Variants in ADD2 observed in about 807,000 individuals in gnomAD.
The protein encoded by ADD2 is adducin 2, also known as beta-adducin.
Under a neutral mutation model 83.0 loss-of-function variants are expected in ADD2, and 23 were observed. The ratio of observed to expected loss-of-function variants is 0.28; its 90% confidence interval spans 0.20 to 0.39. The LOEUF (loss-of-function observed/expected upper bound fraction) is 0.39. Among genes scored for constraint, ADD2 ranks in the 10% least tolerant of loss-of-function variants. The pLI, the probability that ADD2 is intolerant of heterozygous loss-of-function variation, is 1.00. For synonymous variants in ADD2, 375 were observed against 375.4 expected, an observed-to-expected ratio of 1.00 and a Z score of 0.01; for missense variants, 758 against 944.9, an observed-to-expected ratio of 0.80 and a Z score of 2.59.
intron 1 of ADD2, among the ~76,000 whole-genome samples, chr2:70,747,100 T>A (rs34137834): frequency 2.0e-5 from 3 of 148,484 alleles, no homozygotes; most frequent in African/African-American, 5.0e-5. Flanking sequence ...AAGCTCCGCC[T>A]CCCAGGTTCA....
chr2:70,676,991 G>T lies in ADD2; in HGVS notation c.1504-106C>A. 1 of 1,493,966 alleles carries T rather than the reference G, an allele frequency of 6.7e-7. No individual in the cohort carries two copies. The highest frequency in any genetic ancestry group is 8.9e-7 in the Non-Finnish European group (1 of 1,117,952). 92.5% of individuals were successfully genotyped at this position (1,493,966 alleles called of 1,614,324 possible). ...TGGGGTCTAGAAAGGTCCTCTAGCG[G>T]TGTGGGAGCCCGTCACCTATCCTAA... On this transcript the variant is annotated intron_variant, in intron 12 of 15. Transcript: ENST00000264436. The surrounding 1 kb of genome is among the most constrained non-coding windows in gnomAD (Gnocchi z 4.8).
intron 1 of ADD2, among the ~76,000 whole-genome samples, chr2:70,730,929 C>A (rs1301976201): frequency 6.6e-6 from 1 of 152,216 alleles, no homozygotes; most frequent in Non-Finnish European, 1.5e-5. Flanking sequence ...AGTACACTCT[C>A]TGATTTTCCC....
intron 15 of ADD2, among the ~76,000 whole-genome samples, chr2:70,667,232 C>A (rs1553366276): frequency 6.6e-6 from 1 of 151,326 alleles, no homozygotes; most frequent in African/African-American, 2.4e-5. Context: ...GGGGCAGAAG[C>A]TGGAAAATGG....
chr2:70,706,453 G>C lies in ADD2; in HGVS notation c.-34-11C>G. The C allele has an allele frequency of 6.4e-7, 1 of 1,569,504 alleles. No homozygotes were observed. The highest frequency in any genetic ancestry group is 8.6e-7 in the Non-Finnish European group (1 of 1,159,934). On this transcript the variant is annotated splice_polypyrimidine_tract_variant and intron_variant, in intron 2 of 15. Coordinates refer to ENST00000264436, the MANE Select transcript of ADD2 (RefSeq NM_001617.4). The surrounding 1 kb of genome is among the most constrained non-coding windows in gnomAD (Gnocchi z 5.0). Reference sequence around the variant, plus strand: ...TTCGCTCCTGGAACTCTACAGAGAAGGGGAGAGGGTATGCGGTCAGGTTGG... The same window carrying C: ...TTCGCTCCTGGAACTCTACAGAGAACGGGAGAGGGTATGCGGTCAGGTTGG...
Position 70,706,296 on chromosome 2 carries a change from G to T in ADD2, c.113C>A (p.Ala38Glu). 1 of 1,614,092 alleles carries T rather than the reference G, an allele frequency of 6.2e-7. No homozygotes were observed. The highest frequency in any genetic ancestry group is 8.5e-7 in the Non-Finnish European group (1 of 1,180,008). Residue 38 changes from alanine (A) to glutamate (E), a missense_variant, in exon 3 of 16, where the codon GCG becomes GAG. This residue lies in a region of ADD2 where 175 missense variants were observed against 192.1 expected (regional missense o/e 0.91). Transcript: ENST00000264436. This position sits in a 1 kb window ranked among gnomAD's most constrained non-coding sequence, Gnocchi z 5.0. ...GTTGAAGTCCTGCCGCAGGTCCGCC[G>T]CCCGGTTGCGAAGGCGCATGTACTC... ...DPEYMRLRNR[A>E]ADLRQDFNLM... is the part of the protein sequence containing the mutation.
In ADD2 at chr2:70,672,898, G is replaced by A. The variant is rs1425305426; in HGVS notation, c.1850C>T (p.Ser617Phe). ...KEAETKSPLVSPSKSLEEGTK... is the reference protein window; with the variant it reads ...KEAETKSPLVFPSKSLEEGTK... ...CTCACCCTCTAAAGACTTGGAAGGA[G>A]AGACTAAAGGGCTCTTTGTCTCTGC... The change falls in exon 15 of 16, where the codon TCT becomes TTT. Residue 617 changes from serine to phenylalanine, a missense_variant. Physicochemically the swap from Ser to Phe is radical, Grantham distance 155. This residue lies in a region of ADD2 where 165 missense variants were observed against 176.2 expected (regional missense o/e 0.94). Transcript: ENST00000264436. 11 of 1,612,810 alleles carry A rather than the reference G, an allele frequency of 6.8e-6. No individual in the cohort carries two copies. Among genetic ancestry groups the A allele is most frequent in the Admixed American group, 3.3e-5 (2 of 59,872 alleles).
At chr2:70,757,261 T>C (rs922976976) in intron 1 of ADD2, among the ~76,000 whole-genome samples, 3 of 139,040 alleles carry the variant, frequency 2.2e-5, no homozygotes, top group Non-Finnish European at 3.1e-5. Context: ...ACAGCTAAAA[T>C]TGGTTTGCCT....
In ADD2 at chr2:70,692,505, G is replaced by A; in HGVS notation, c.603C>T (p.Cys201=). 6.2e-7 allele frequency: 1 copy of A among 1,612,666 alleles called. No homozygotes were observed. Among genetic ancestry groups the A allele is most frequent in the Non-Finnish European group, 8.5e-7 (1 of 1,179,570 alleles). Residue 201 remains cysteine, a synonymous_variant, in exon 7 of 16, where the codon TGC becomes TGT. Coordinates refer to ENST00000264436, the MANE Select transcript of ADD2 (RefSeq NM_001617.4). ...LGEVVEKGSS[C]FPVDTTGFCL... is the part of the protein sequence containing the mutation. ...AGAAGCCTGTGGTGTCCACTGGGAA[G>A]CAGCTGCTGCCCTTCTCCACCACCT...
rs967125628 is a variant in ADD2, at chr2:70,685,574, T to C, written c.949-1807A>G. 4.6e-5 allele frequency among the ~76,000 whole-genome samples: 7 copies of C among 152,288 alleles called. No homozygotes were observed. In the East Asian group the frequency reaches 1.2e-3, roughly 25 times the overall value. ...TGCCACTTACCAACTGTGTGACTTT[T>C]AGTAGCTATTTACCATCTGTGTACC... On this transcript the variant is annotated intron_variant, in intron 9 of 15. Coordinates refer to ENST00000264436, the MANE Select transcript of ADD2 (RefSeq NM_001617.4).
chr2:70,749,119 C>G (rs1241720841), intron 1 of ADD2, among the ~76,000 whole-genome samples: 2 of 152,110 alleles, frequency 1.3e-5, no homozygotes, highest in African/African-American at 2.4e-5. Context: ...ACAATCATGG[C>G]AGAAGACACC....
chr2:70,755,812 G>A (rs1558582297), intron 1 of ADD2, among the ~76,000 whole-genome samples: 1 of 152,098 alleles, frequency 6.6e-6, no homozygotes, highest in South Asian at 2.1e-4. Flanking sequence ...TGTAATCCCA[G>A]CACTTTGGGA....
intron 1 of ADD2, among the ~76,000 whole-genome samples, chr2:70,722,282 C>T (rs1320815772): frequency 2.0e-5 from 3 of 152,048 alleles, no homozygotes; most frequent in Non-Finnish European, 2.9e-5. Context: ...TTGATTGGCA[C>T]ACCAATTATT....
At chr2:70,669,249 G>A (rs1277165987) in intron 15 of ADD2, among the ~76,000 whole-genome samples, 4 of 152,112 alleles carry the variant, frequency 2.6e-5, no homozygotes, top group Non-Finnish European at 5.9e-5. Flanking sequence ...TCAAACATCC[G>A]TGTCTGAAAG....
At chr2:70,696,125 G>A in intron 5 of ADD2, 120 bp downstream of exon 5, 1 of 1,351,248 alleles carries the variant, frequency 7.4e-7, no homozygotes, top group Non-Finnish European at 1.0e-6. Flanking sequence ...GAAGGGTTCA[G>A]TGCATTTTAG....
chr2:70,747,941 C>T (rs1674313625), intron 1 of ADD2, among the ~76,000 whole-genome samples: 1 of 152,168 alleles, frequency 6.6e-6, no homozygotes, highest in Admixed American at 6.5e-5. Context: ...TTTTCAGCTT[C>T]CACCTTTGGA....
chr2:70,719,827 A>C (rs1221530528), intron 1 of ADD2, among the ~76,000 whole-genome samples: 1 of 152,202 alleles, frequency 6.6e-6, no homozygotes, highest in Non-Finnish European at 1.5e-5. Flanking sequence ...CACCTCAATC[A>C]AATTCAAACA....
chr2:70,695,140 A>T (rs1338105732), intron 6 of ADD2, among the ~76,000 whole-genome samples: 1 of 152,148 alleles, frequency 6.6e-6, no homozygotes, highest in Non-Finnish European at 1.5e-5. Context: ...CCCCCAAGGT[A>T]GTGTCCTCCT....
chr2:70,680,463 C>A (rs1670401659), intron 10 of ADD2, among the ~76,000 whole-genome samples: 1 of 152,164 alleles, frequency 6.6e-6, no homozygotes, highest in Non-Finnish European at 1.5e-5. Context: ...ATTAGTATTC[C>A]TAATTACTTT....
intron 4 of ADD2, among the ~76,000 whole-genome samples, chr2:70,696,725 A>G (rs1159522193): frequency 6.6e-6 from 1 of 152,242 alleles, no homozygotes; most frequent in Non-Finnish European, 1.5e-5. Context: ...TCAAAGCAAG[A>G]ATAAACCTCT....
Sources: gnomAD v4.1 joint callset for allele counts (sites outside exome capture counted in the v4.1 genomes callset) on GRCh38, gnomAD v4.1.1 for gene constraint, gnomAD v4.1.1 regional missense constraint, Gnocchi (gnomAD v3.1) non-coding constraint, MANE v1.5 for transcripts, NCBI Gene and HGNC (gene_info 2026-07-23, HGNC 2026-07-21) for gene names.